The following AFF1 variants were observed in gnomAD, a reference collection of about 807,000 sequenced individuals.
AFF1 encodes AF4/FMR2 family member 1.
In AFF1, 48 loss-of-function variants were observed where a neutral mutation model predicts 121.7. The observed-to-expected ratio is 0.39, with a 90% CI of 0.31 to 0.50. AFF1 has a LOEUF of 0.50. Ranked by LOEUF, AFF1 falls within the 20% of genes least tolerant of loss-of-function variation. The pLI, the probability that AFF1 is intolerant of heterozygous loss-of-function variation, is 0.76. For synonymous variants in AFF1, 613 were observed against 563.0 expected (o/e 1.09, Z -1.26); for missense variants, 1,523 against 1,511.7 (o/e 1.01, Z -0.12).
intron 4 of AFF1, among the ~76,000 whole-genome samples, chr4:87,070,261 C>T (rs942872934): frequency 2.6e-5 from 4 of 152,206 alleles, no homozygotes; most frequent in Admixed American, 1.3e-4. Flanking sequence ...CTCGGCCTCC[C>T]GAAGTGCTGG....
At chr4:87,076,163 A>G (rs1365033464) in intron 4 of AFF1, among the ~76,000 whole-genome samples, 3 of 152,224 alleles carry the variant, frequency 2.0e-5, no homozygotes, top group African/African-American at 7.2e-5. Context: ...AGGTTCCCCC[A>G]ATAGGAGTAG....
chr4:86,942,729 TTCCTCTTCTCC>T (rs1720555306), intron 1 of AFF1, among the ~76,000 whole-genome samples: 1 of 152,208 alleles, frequency 6.6e-6, no homozygotes, highest in African/African-American at 2.4e-5. Flanking sequence ...AAGCCACACC[TTCCTCTTCTCC>T]TCCTCTTCGT....
chr4:87,108,164 C>A lies in AFF1; in HGVS notation c.1382C>A (p.Pro461Gln), dbSNP rs367706809. Residue 461 changes from proline to glutamine, a missense_variant, in exon 11 of 21, where the codon CCA becomes CAA. Pro to Gln is a moderately conservative substitution (Grantham distance 76, BLOSUM62 -1). Coordinates refer to ENST00000395146, the MANE Select transcript of AFF1 (RefSeq NM_001166693.3). ...PPSSSAPPSA[P>Q]QSLPEPVASA... ...ATCTTTTGGTTGCTTTGCAGTGCTCCACAGTCCCTTCCAGAACCAGTGGCA... is the reference window on the plus strand; with the variant it reads ...ATCTTTTGGTTGCTTTGCAGTGCTCAACAGTCCCTTCCAGAACCAGTGGCA... The A allele has an allele frequency of 2.5e-5, 40 of 1,613,704 alleles. No homozygotes were observed. Among genetic ancestry groups the A allele is most frequent in the Non-Finnish European group, 3.3e-5 (39 of 1,179,882 alleles).
At chr4:87,125,238 G>A (rs999602517) in intron 13 of AFF1, 95 bp downstream of exon 13, 2 of 818,378 alleles carry the variant, frequency 2.4e-6, no homozygotes, top group Admixed American at 6.4e-5. Context: ...ACTAGAATCA[G>A]TGGATTAATA....
At chr4:86,999,577 G>A (rs1351154774) in intron 2 of AFF1, among the ~76,000 whole-genome samples, 1 of 152,202 alleles carries the variant, frequency 6.6e-6, no homozygotes, top group African/African-American at 2.4e-5. Context: ...AGAACAAATA[G>A]TCTTGGAGTT....
chr4:86,999,747 C>CTT (rs1725534654), intron 2 of AFF1, among the ~76,000 whole-genome samples: 1 of 152,128 alleles, frequency 6.6e-6, no homozygotes, highest in Non-Finnish European at 1.5e-5. Flanking sequence ...GATTGAGTTG[C>CTT]TTGAAGTCTG....
chr4:87,113,556 A>G (rs1259616577), intron 11 of AFF1, among the ~76,000 whole-genome samples: 4 of 152,108 alleles, frequency 2.6e-5, no homozygotes, highest in Non-Finnish European at 5.9e-5. Context: ...GGCCTGAATC[A>G]CCGTATTGGT....
chr4:87,069,199 G>A (rs77105648), intron 4 of AFF1, among the ~76,000 whole-genome samples: 46 of 150,764 alleles, frequency 3.1e-4, no homozygotes, highest in African/African-American at 1.1e-3. Flanking sequence ...ATAGGTATTC[G>A]TCCCTTCCCA....
rs561481996 is a variant in AFF1 at position 87,063,651 on chromosome 4, G to T, written c.1059+16057G>T. Among the ~76,000 whole-genome samples the T allele has an allele frequency of 1.5e-3, 231 of 152,268 alleles. 1 individual carries two copies. Among genetic ancestry groups the T allele is most frequent in the African/African-American group, 4.9e-3 (205 of 41,548 alleles). On this transcript the variant is annotated intron_variant, in intron 4 of 20. Coordinates refer to ENST00000395146, the MANE Select transcript of AFF1 (RefSeq NM_001166693.3). Reference sequence around the variant, plus strand: ...GGAAATAATGTTTCTAATGGACAGAGCTATGGAGTTAGAATGCATGGGTTC... The same window carrying T: ...GGAAATAATGTTTCTAATGGACAGATCTATGGAGTTAGAATGCATGGGTTC...
intron 4 of AFF1, among the ~76,000 whole-genome samples, chr4:87,080,231 T>C (rs1723036875): frequency 6.6e-6 from 1 of 152,146 alleles, no homozygotes; most frequent in African/African-American, 2.4e-5. Flanking sequence ...AGGCAGTGTT[T>C]TGTGGTCATG....
chr4:87,074,947 A>G (rs375281917), intron 4 of AFF1, among the ~76,000 whole-genome samples: 1 of 152,228 alleles, frequency 6.6e-6, no homozygotes, highest in South Asian at 2.1e-4. Context: ...CCTTGGTTTC[A>G]TAATTAAAAG....
At chr4:87,127,225 A>C in intron 15 of AFF1, 108 bp downstream of exon 15, 1 of 960,078 alleles carries the variant, frequency 1.0e-6, no homozygotes, top group East Asian at 2.7e-5. Context: ...TAGTGGCATG[A>C]TCTTGGCTCA....
chr4:87,127,840 A>G lies in AFF1; in HGVS notation c.2964+137A>G. 4 of 843,814 alleles carry G rather than the reference A, an allele frequency of 4.7e-6. No individual in the cohort carries two copies. In the South Asian group the frequency reaches 6.8e-5, roughly 14 times the overall value. 52.3% of individuals were successfully genotyped at this position (843,814 alleles called of 1,614,324 possible). On this transcript the variant is annotated intron_variant, in intron 16 of 20. Transcript: ENST00000395146. ...GGAGGGGGTGCAGCAGGCGCAGGAG[A>G]AAGGAGTGTATGGGCCCTACCATTG... is the stretch of plus-strand genomic sequence containing the variant.
intron 4 of AFF1, among the ~76,000 whole-genome samples, chr4:87,056,276 T>C (rs975901842): frequency 1.3e-5 from 2 of 152,206 alleles, no homozygotes; most frequent in Non-Finnish European, 2.9e-5. Context: ...TTACAAATAA[T>C]AGAACTCTGA....
At chr4:86,950,554 T>A (rs1407283074) in intron 2 of AFF1, among the ~76,000 whole-genome samples, 1 of 152,252 alleles carries the variant, frequency 6.6e-6, no homozygotes, top group Non-Finnish European at 1.5e-5. Context: ...TTATAAGAAA[T>A]GTAGACTCAG....
intron 6 of AFF1, 129 bp downstream of exon 6, chr4:87,090,199 T>G (rs1724161933): frequency 1.4e-6 from 1 of 704,730 alleles, no homozygotes; most frequent in Admixed American, 2.7e-5. Flanking sequence ...TATGATTAAT[T>G]TAGCTTCTAC....
intron 8 of AFF1, among the ~76,000 whole-genome samples, chr4:87,097,016 A>G (rs1240733315): frequency 2.0e-5 from 3 of 152,222 alleles, no homozygotes; most frequent in Admixed American, 6.5e-5. Context: ...ATGGCTGGTA[A>G]GGAGTAGAAT....
At chr4:87,123,878 G>A (rs1431121513) in intron 12 of AFF1, among the ~76,000 whole-genome samples, 1 of 152,180 alleles carries the variant, frequency 6.6e-6, no homozygotes, top group Non-Finnish European at 1.5e-5. Flanking sequence ...GTTTGTTAGG[G>A]ATTGTCCTAA....
intron 8 of AFF1, among the ~76,000 whole-genome samples, chr4:87,095,920 C>G: frequency 6.6e-6 from 1 of 151,992 alleles, no homozygotes; most frequent in Middle Eastern, 3.2e-3. Flanking sequence ...TCAGGTGGCC[C>G]AGGAGTTTAA....
Sources: gnomAD v4.1 joint callset for allele counts (sites outside exome capture counted in the v4.1 genomes callset) on GRCh38, gnomAD v4.1.1 for gene constraint, MANE v1.5 for transcripts, NCBI Gene and HGNC (gene_info 2026-07-23, HGNC 2026-07-21) for gene names.